Variants in MAP3K20 observed in about 807,000 individuals in gnomAD.
The protein encoded by MAP3K20 is mitogen-activated protein kinase kinase kinase 20.
A neutral mutation model predicts 85.7 loss-of-function variants in MAP3K20; 40 were observed. The ratio of observed to expected loss-of-function variants is 0.47; its 90% CI spans 0.36 to 0.61. MAP3K20 has a LOEUF of 0.61. Ranked by LOEUF, MAP3K20 falls within the 20% of genes least tolerant of loss-of-function variation. The pLI is 0.00. For missense variants in MAP3K20, 817 were observed against 961.7 expected (o/e 0.85, Z 1.99); for synonymous variants, 325 against 327.7 (o/e 0.99, Z 0.09).
chr2:173,113,686 G>A (rs971251520), intron 2 of MAP3K20, among the ~76,000 whole-genome samples: 1 of 152,074 alleles, frequency 6.6e-6, no homozygotes, highest in African/African-American at 2.4e-5. Context: ...TAATTTCCAT[G>A]TATTTGCATG....
intron 10 of MAP3K20, chr2:173,211,610 G>C (rs542437855): frequency 2.7e-4 from 41 of 152,004 alleles, no homozygotes; most frequent in African/African-American, 9.9e-4. Flanking sequence ...AGGCTTTGCT[G>C]CTATTGGAAT....
intron 1 of MAP3K20, among the ~76,000 whole-genome samples, chr2:173,080,422 C>T (rs919835149): frequency 2.0e-5 from 3 of 152,182 alleles, no homozygotes; most frequent in African/African-American, 7.2e-5. Context: ...TTATTTGGCT[C>T]ATGGTTCTGG....
intron 3 of MAP3K20, among the ~76,000 whole-genome samples, chr2:173,175,018 C>G (rs1358749279): frequency 6.6e-6 from 1 of 152,162 alleles, no homozygotes; most frequent in Non-Finnish European, 1.5e-5. Context: ...CAGTGACATC[C>G]CGCAGTTGGA....
intron 2 of MAP3K20, chr2:173,159,894 C>G (rs1050546725): frequency 1.3e-5 from 2 of 152,184 alleles, no homozygotes; most frequent in African/African-American, 4.8e-5. Flanking sequence ...GCTCTAGATC[C>G]CTGGAGGGAA....
chr2:173,244,507 A>G (rs1684870543), intron 16 of MAP3K20, among the ~76,000 whole-genome samples: 1 of 152,200 alleles, frequency 6.6e-6, no homozygotes, highest in Non-Finnish European at 1.5e-5. Context: ...TCAGAAAGAG[A>G]TAACAAGAGA....
At chr2:173,175,013 A>T (rs1288327370) in intron 3 of MAP3K20, among the ~76,000 whole-genome samples, 1 of 152,192 alleles carries the variant, frequency 6.6e-6, no homozygotes, top group Non-Finnish European at 1.5e-5. Flanking sequence ...GTTTTCAGTG[A>T]CATCCCGCAG....
intron 2 of MAP3K20, among the ~76,000 whole-genome samples, chr2:173,137,180 T>TC (rs1688821145): frequency 6.6e-6 from 1 of 151,984 alleles, no homozygotes; most frequent in Non-Finnish European, 1.5e-5. Context: ...TTAAGCTCTT[T>TC]AATCTGTTTA....
chr2:173,107,170 C>G (rs1012555282), intron 2 of MAP3K20, among the ~76,000 whole-genome samples: 1 of 152,114 alleles, frequency 6.6e-6, no homozygotes. Flanking sequence ...ACAGAAGATT[C>G]AGCTTTTGGG....
intron 10 of MAP3K20, chr2:173,210,043 T>C: frequency 3.6e-6 from 2 of 560,186 alleles, no homozygotes; most frequent in Non-Finnish European, 3.2e-6. Flanking sequence ...CTTGTTGCCT[T>C]GTGTAAGTAT....
chr2:173,255,628 C>T (rs115676231), intron 16 of MAP3K20, among the ~76,000 whole-genome samples: 1,957 of 152,198 alleles, frequency 0.013, 39 homozygotes, highest in African/African-American at 0.044. Context: ...GCCGTTCTGA[C>T]GGTGTGCAGA....
In MAP3K20 at chr2:173,266,211, A is replaced by G; in HGVS notation, c.1864A>G (p.Ile622Val). The change falls in exon 20 of 20, where the codon ATT becomes GTT. Residue 622 changes from isoleucine (I) to valine (V), a missense_variant. Transcript: ENST00000375213. Reference sequence around the variant, plus strand: ...TGCTGTGAGACGGCCCCAGGTGCCCATTAAGTATCAACAGATTACACCTGT... The same window carrying G: ...TGCTGTGAGACGGCCCCAGGTGCCCGTTAAGTATCAACAGATTACACCTGT... Reference protein sequence around the residue: ...AAAVRRPQVPIKYQQITPVNQ... With the variant: ...AAAVRRPQVPVKYQQITPVNQ... 6.2e-7 allele frequency: 1 copy of G among 1,614,112 alleles called. No individual in the cohort carries two copies. The highest frequency in any genetic ancestry group is 8.5e-7 in the Non-Finnish European group (1 of 1,180,022).
chr2:173,076,735 C>T (rs1047862812), intron 1 of MAP3K20, among the ~76,000 whole-genome samples: 7 of 152,256 alleles, frequency 4.6e-5, no homozygotes, highest in Non-Finnish European at 8.8e-5. Context: ...GGGCTTCCCC[C>T]TTTCCTCCCA....
intron 2 of MAP3K20, among the ~76,000 whole-genome samples, chr2:173,106,676 G>C (rs1687791396): frequency 6.6e-6 from 1 of 152,184 alleles, no homozygotes; most frequent in Admixed American, 6.5e-5. Flanking sequence ...TGCTGAGGAT[G>C]GTTGCAGGGG....
chr2:173,223,472 C>T, intron 11 of MAP3K20: 1 of 985,342 alleles, frequency 1.0e-6, no homozygotes, highest in Non-Finnish European at 1.2e-6. Flanking sequence ...AGTGAAGACA[C>T]TGAAAAATAA....
chr2:173,229,527 G>GTTAAGTTT (rs1223444628), intron 11 of MAP3K20, among the ~76,000 whole-genome samples, 162 bp from the exon 12 acceptor site: 1 of 152,182 alleles, frequency 6.6e-6, no homozygotes, highest in Non-Finnish European at 1.5e-5. Flanking sequence ...ACTGAGAACT[G>GTTAAGTTT]CCTCTTAAGG....
chr2:173,087,169 T>A (rs1687167603), intron 1 of MAP3K20, among the ~76,000 whole-genome samples: 1 of 152,198 alleles, frequency 6.6e-6, no homozygotes, highest in Non-Finnish European at 1.5e-5. Flanking sequence ...TAAACAGAAC[T>A]GAGTTTTGAC....
rs941454383 is a variant in MAP3K20 at position 173,256,057 on chromosome 2, G to A, written c.1360-2642G>A. On this transcript the variant is annotated intron_variant, in intron 16 of 19. Transcript: ENST00000375213. ...GAACGGACCTTTTCCTTCACTAATC[G>A]GCTTTCCGTCTTGTGAATGTGGCTG... 8.5e-5 allele frequency among the ~76,000 whole-genome samples: 13 copies of A among 152,208 alleles called. 1 individual carries two copies. Among genetic ancestry groups the A allele is most frequent in the South Asian group, 2.1e-4 (1 of 4,828 alleles).
intron 11 of MAP3K20, chr2:173,223,487 T>C (rs62174360): frequency 0.045 from 44,747 of 985,332 alleles, 1,111 homozygotes; most frequent in Non-Finnish European, 0.049. Flanking sequence ...AAATAAGTGA[T>C]TTCAGTAACC....
intron 9 of MAP3K20, among the ~76,000 whole-genome samples, chr2:173,207,393 G>C (rs138963289): frequency 0.045 from 6,787 of 152,232 alleles, 490 homozygotes; most frequent in African/African-American, 0.15. Context: ...TTGGGAGTCT[G>C]AGGCAGGAGA....
Sources: gnomAD v4.1 joint callset for allele counts (sites outside exome capture counted in the v4.1 genomes callset) on GRCh38, gnomAD v4.1.1 for gene constraint, MANE v1.5 for transcripts, NCBI Gene and HGNC (gene_info 2026-07-23, HGNC 2026-07-21) for gene names.